The following MED1 variants were observed in gnomAD, a reference collection of about 807,000 sequenced individuals.
MED1 encodes the protein mediator of RNA polymerase II transcription subunit 1.
MED1 carries 17 observed loss-of-function variants against 121.3 expected under a neutral mutation model. That is an observed-to-expected ratio of 0.14 (90% CI 0.10 to 0.21). MED1 has a LOEUF of 0.21. Ranked by LOEUF, MED1 falls within the 10% of genes least tolerant of loss-of-function variation. The probability of loss-of-function intolerance (pLI) is 1.00; values close to 1 mark genes in which losing one functional copy is unlikely to be tolerated. For synonymous variants in MED1, 661 were observed against 694.4 expected (o/e 0.95, Z 0.76); for missense variants, 1,558 against 1,919.4 (o/e 0.81, Z 3.52).
Position 39,424,674 on chromosome 17 carries a change from G to A in MED1, c.804C>T (p.Leu268=). Residue 268 remains leucine (L), a synonymous_variant, in exon 11 of 17, where the codon CTC becomes CTT. Coordinates refer to ENST00000300651, the MANE Select transcript of MED1 (RefSeq NM_004774.4). ...ACCCCATAATTAATGGTGCAATTGG[G>A]AGTTTGTACACAGCAGATGTTCCTT... ...TIEGTSAVYK[L]PIAPLIMGSH... is the part of the protein sequence containing the mutation. The A allele has an allele frequency of 2.5e-6, 4 of 1,610,198 alleles. No homozygotes were observed. The highest frequency in any genetic ancestry group is 3.4e-6 in the Non-Finnish European group (4 of 1,178,078).
In MED1 at chr17:39,405,036, T is replaced by C; in HGVS notation, c.*2439A>G. On this transcript the variant is annotated 3_prime_UTR_variant, in exon 17 of 17. Transcript: ENST00000300651. ...TACATAAGACACCAGCAGCAGAAGA[T>C]AGGTAGAAGTTGACTTCATGTCCTT... The C allele has an allele frequency of 1.7e-6, 1 of 585,116 alleles. No homozygotes were observed. Among genetic ancestry groups the C allele is most frequent in the Non-Finnish European group, 2.8e-6 (1 of 354,360 alleles). 36.2% of individuals were successfully genotyped at this position (585,116 alleles called of 1,614,324 possible). A position where few individuals can be genotyped will look rare whatever the true frequency, so the allele number is the denominator to read the frequency against.
intron 1 of MED1, among the ~76,000 whole-genome samples, chr17:39,449,041 C>CTT (rs546027863): frequency 6.9e-6 from 1 of 145,744 alleles, no homozygotes. Context: ...TCTTTCTTTT[C>CTT]TTTTTTTTTT....
Position 39,407,960 on chromosome 17 carries a change from G to A in MED1, c.4261C>T (p.Leu1421Phe), listed in dbSNP as rs1189506386. ...TTAGAAGAAGCCATTTGAGGCCTAA[G>A]CCCTTCTCCACTACTTTCCCCAGGT... Reference protein sequence around the residue: ...QKPGESSGEGLRPQMASSKNY... With the variant: ...QKPGESSGEGFRPQMASSKNY... The change falls in exon 17 of 17, where the codon CTT becomes TTT. Residue 1421 changes from leucine to phenylalanine, a missense_variant. Around this residue, in one of 5 missense-constraint regions of MED1, gnomAD observed 264 missense variants for 326.1 expected, o/e 0.81. Coordinates refer to ENST00000300651, the MANE Select transcript of MED1 (RefSeq NM_004774.4). 1 of 1,614,088 alleles carries A rather than the reference G, an allele frequency of 6.2e-7. No individual in the cohort carries two copies. Among genetic ancestry groups the A allele is most frequent in the Non-Finnish European group, 8.5e-7 (1 of 1,180,012 alleles).
chr17:39,417,988 A>T (rs2048425466), intron 14 of MED1, among the ~76,000 whole-genome samples: 1 of 148,878 alleles, frequency 6.7e-6, no homozygotes, highest in Non-Finnish European at 1.5e-5. Flanking sequence ...CCAGAGGCTG[A>T]CGCAGGAGAA....
intron 7 of MED1, among the ~76,000 whole-genome samples, chr17:39,432,438 C>G (rs927251181): frequency 6.6e-6 from 1 of 150,554 alleles, no homozygotes; most frequent in African/African-American, 2.4e-5. Flanking sequence ...AAATTGAAGG[C>G]AAAAATATAT....
At chr17:39,442,905 CAAAAAA>C (rs751236293) in intron 3 of MED1, among the ~76,000 whole-genome samples, 3 of 17,360 alleles carry the variant, frequency 1.7e-4, no homozygotes, top group South Asian at 5.7e-3. Context: ...AACTCCATCT[CAAAAAA>C]AAAAAAAAAA....
intron 5 of MED1, 50 bp from the exon 6 acceptor site, chr17:39,439,243 T>C (rs761063609): frequency 2.1e-6 from 3 of 1,447,670 alleles, no homozygotes; most frequent in Non-Finnish European, 2.8e-6. Flanking sequence ...TTTAGCAACT[T>C]TGAAGATATC....
intron 7 of MED1, among the ~76,000 whole-genome samples, chr17:39,433,587 TC>T (rs775370398): frequency 2.0e-5 from 3 of 151,470 alleles, no homozygotes; most frequent in Non-Finnish European, 4.4e-5. Flanking sequence ...AGCATCTCGC[TC>T]TGTCAACCAG....
At chr17:39,436,021 G>A (rs1295403547) in intron 6 of MED1, among the ~76,000 whole-genome samples, 11 of 151,950 alleles carry the variant, frequency 7.2e-5, no homozygotes, top group Non-Finnish European at 1.6e-4. Flanking sequence ...GCAGTGAGCC[G>A]AGATTGCGCC....
At position 39,440,484 on chromosome 17, in the gene MED1, A is replaced by G. The variant is rs2048665040; in HGVS notation, c.301T>C (p.Cys101Arg). ...TAGAACATATCTGACGTGATGTAACATTCAGTGCCACTGGCACTGAGATGA... is the reference window on the plus strand; with the variant it reads ...TAGAACATATCTGACGTGATGTAACGTTCAGTGCCACTGGCACTGAGATGA... ...GSHLSASGTE[C>R]YITSDMFYVE... The change falls in exon 5 of 17, where the codon TGT becomes CGT. Residue 101 changes from cysteine (C) to arginine (R), a missense_variant. Cys to Arg is a radical substitution (Grantham distance 180, BLOSUM62 -3). Coordinates refer to ENST00000300651, the MANE Select transcript of MED1 (RefSeq NM_004774.4). This position sits in a 1 kb window ranked among gnomAD's most constrained non-coding sequence, Gnocchi z 4.1. The G allele has an allele frequency of 6.2e-7, 1 of 1,607,414 alleles. No homozygotes were observed. Among genetic ancestry groups the G allele is most frequent in the Non-Finnish European group, 8.5e-7 (1 of 1,178,432 alleles).
At chr17:39,425,497 T>C (rs769503348) in intron 10 of MED1, among the ~76,000 whole-genome samples, 8 of 152,116 alleles carry the variant, frequency 5.3e-5, no homozygotes, top group African/African-American at 7.2e-5. Context: ...GCACGGCCTG[T>C]AGTTCCTATA....
intron 6 of MED1, among the ~76,000 whole-genome samples, chr17:39,437,431 C>T (rs1416883796): frequency 2.6e-5 from 4 of 152,072 alleles, no homozygotes; most frequent in Non-Finnish European, 5.9e-5. Context: ...TGATTTTGTG[C>T]CCCAGGGGAC....
Position 39,408,847 on chromosome 17 carries a change from G to T in MED1, c.3374C>A (p.Ser1125Tyr), listed in dbSNP as rs764796793. ...KSSKSEGSSS[S>Y]KLSSSMYSSQ... ...AGAATACATACTGCTACTTAACTTGGAACTTGATGAACCTTCTGATTTACT... is the reference window on the plus strand; with the variant it reads ...AGAATACATACTGCTACTTAACTTGTAACTTGATGAACCTTCTGATTTACT... The change falls in exon 17 of 17, where the codon TCC becomes TAC. Residue 1125 changes from serine to tyrosine, a missense_variant. Ser to Tyr is a moderately radical substitution (Grantham distance 144). Coordinates refer to ENST00000300651, the MANE Select transcript of MED1 (RefSeq NM_004774.4). This position sits in a 1 kb window ranked among gnomAD's most constrained non-coding sequence, Gnocchi z 4.7. 7 of 1,614,122 alleles carry T rather than the reference G, an allele frequency of 4.3e-6. No individual in the cohort carries two copies. Among genetic ancestry groups the T allele is most frequent in the Non-Finnish European group, 5.9e-6 (7 of 1,180,022 alleles).
intron 2 of MED1, chr17:39,445,664 C>T (rs2048719186): frequency 6.6e-6 from 1 of 152,160 alleles, no homozygotes; most frequent in African/African-American, 2.4e-5. Flanking sequence ...TTCTATCTCA[C>T]AATGTCTCTC....
Position 39,408,669 on chromosome 17 carries a change from A to C in MED1, c.3552T>G (p.Pro1184=). The change falls in exon 17 of 17, where the codon CCT becomes CCG. Residue 1184 remains proline, a synonymous_variant. Transcript: ENST00000300651. This position sits in a 1 kb window ranked among gnomAD's most constrained non-coding sequence, Gnocchi z 4.7. The stretch of plus-strand genomic sequence containing the variant: ...GGGATATGTTTGGTTTACTTAAAGA[A>C]GGATTCATAAGTGATGATGGCTTTC... ...PQGKPSSLMN[P]SLSKPNISPS... The C allele has an allele frequency of 6.2e-7, 1 of 1,614,184 alleles. No homozygotes were observed. The highest frequency in any genetic ancestry group is 8.5e-7 in the Non-Finnish European group (1 of 1,180,030).
chr17:39,421,248 A>G (rs1285373859), intron 13 of MED1, among the ~76,000 whole-genome samples: 2 of 123,782 alleles, frequency 1.6e-5, no homozygotes, highest in South Asian at 2.4e-4. Context: ...CAAAAAAAAA[A>G]AAAAGAAAAA....
At position 39,423,313 on chromosome 17, in the gene MED1, AG is replaced by A. The variant is rs2144738254; in HGVS notation, c.1095+13del. ...ATAACCTACAACATTCTAGCTCCCT[AG>A]GGCTTTACTTACAGCATAAAATCTC... On this transcript the variant is annotated intron_variant, in intron 13 of 16. Transcript: ENST00000300651. 3.2e-6 allele frequency: 5 copies of A among 1,548,520 alleles called. No individual in the cohort carries two copies. Among genetic ancestry groups the A allele is most frequent in the Non-Finnish European group, 4.5e-6 (5 of 1,120,468 alleles).
Position 39,423,312 on chromosome 17 carries a change from T to TA in MED1, c.1095+14dup, listed in dbSNP as rs1289316656. ...CATAACCTACAACATTCTAGCTCCCTAGGGCTTTACTTACAGCATAAAATC... is the reference window on the plus strand; with the variant it reads ...CATAACCTACAACATTCTAGCTCCCTAAGGGCTTTACTTACAGCATAAAATC... On this transcript the variant is annotated intron_variant, in intron 13 of 16. Transcript: ENST00000300651. 2 of 1,548,192 alleles carry TA rather than the reference T, an allele frequency of 1.3e-6. No homozygotes were observed. Among genetic ancestry groups the TA allele is most frequent in the African/African-American group, 2.7e-5 (2 of 73,410 alleles).
At chr17:39,427,680 C>T (rs781708977) in intron 10 of MED1, 21 bp downstream of exon 10, 24 of 1,524,716 alleles carry the variant, frequency 1.6e-5, no homozygotes, top group Non-Finnish European at 2.2e-5. Context: ...ACCTTTAATT[C>T]CTTTACAATT....
Sources: allele counts gnomAD v4.1 joint callset (sites outside exome capture counted in the v4.1 genomes callset), GRCh38; gene constraint gnomAD v4.1.1; regional missense constraint gnomAD v4.1.1; non-coding constraint Gnocchi (gnomAD v3.1); transcripts MANE v1.5; gene names NCBI Gene and HGNC (gene_info 2026-07-23, HGNC 2026-07-21).